CA12: variants seen among roughly 807,000 people sequenced by gnomAD.
CA12 encodes carbonic anhydrase 12.
In CA12, 36 loss-of-function variants were observed where a neutral mutation model predicts 46.8. That is an observed-to-expected ratio of 0.77 (90% confidence interval 0.59 to 1.02). CA12 has a LOEUF of 1.02. CA12 is among the 50% of genes least tolerant of loss of function. The pLI is 0.00. For synonymous variants in CA12, 202 were observed against 187.0 expected (o/e 1.08, Z -0.65); for missense variants, 436 against 451.4 (o/e 0.97, Z 0.31).
intron 2 of CA12, among the ~76,000 whole-genome samples, chr15:63,356,475 T>C (rs957188449): frequency 6.6e-6 from 1 of 152,042 alleles, no homozygotes; most frequent in Non-Finnish European, 1.5e-5. Flanking sequence ...ATCAAATAGT[T>C]TGGCGGTGCC....
At chr15:63,351,018 T>C (rs2039222498) in intron 2 of CA12, among the ~76,000 whole-genome samples, 1 of 152,238 alleles carries the variant, frequency 6.6e-6, no homozygotes, top group Non-Finnish European at 1.5e-5. Flanking sequence ...GATTACCGAA[T>C]CCAATTAGAA....
At chr15:63,365,459 C>G (rs1431972996) in intron 2 of CA12, among the ~76,000 whole-genome samples, 1 of 152,200 alleles carries the variant, frequency 6.6e-6, no homozygotes, top group Non-Finnish European at 1.5e-5. Context: ...AGCCACCTGA[C>G]AGTTTTGAGC....
chr15:63,367,354 C>A (rs2039449379), intron 2 of CA12, among the ~76,000 whole-genome samples: 1 of 152,214 alleles, frequency 6.6e-6, no homozygotes, highest in South Asian at 2.1e-4. Flanking sequence ...ATACTTGCTT[C>A]AAAACTTTCT....
rs145223006 is a variant in CA12 at position 63,358,776 on chromosome 15, C to T, written c.107-12067G>A. Reference sequence around the variant, plus strand: ...ACCTGATTACTCTTGTCTCCTCGGCCGAGCATCTTCAAAGAACTGTGTGCA... The same window carrying T: ...ACCTGATTACTCTTGTCTCCTCGGCTGAGCATCTTCAAAGAACTGTGTGCA... On this transcript the variant is annotated intron_variant, in intron 2 of 10. Coordinates refer to ENST00000178638, the MANE Select transcript of CA12 (RefSeq NM_001218.5). 1.6e-3 allele frequency among the ~76,000 whole-genome samples: 242 copies of T among 152,246 alleles called. 1 individual carries two copies. Among genetic ancestry groups the T allele is most frequent in the African/African-American group, 5.1e-3 (210 of 41,522 alleles).
rs1215091650 is a variant in CA12 at position 63,341,715 on chromosome 15, C to T, written c.525+287G>A. 6.6e-6 allele frequency among the ~76,000 whole-genome samples: 1 copy of T among 152,208 alleles called. No homozygotes were observed. The highest frequency in any genetic ancestry group is 1.5e-5 in the Non-Finnish European group (1 of 68,038). On this transcript the variant is annotated intron_variant, in intron 5 of 10. Coordinates refer to ENST00000178638, the MANE Select transcript of CA12 (RefSeq NM_001218.5). The surrounding 1 kb of genome is among the most constrained non-coding windows in gnomAD (Gnocchi z 5.2). ...TGATGATCCCTTTCCAGCACAGGTC[C>T]TCCCCAACTGGGCAATTCCATGCCT... is the stretch of plus-strand genomic sequence containing the variant.
At chr15:63,362,400 A>C (rs1244699258) in intron 2 of CA12, among the ~76,000 whole-genome samples, 1 of 152,220 alleles carries the variant, frequency 6.6e-6, no homozygotes, top group Non-Finnish European at 1.5e-5. Flanking sequence ...ATGACAGTTC[A>C]CATCTTCCAC....
At chr15:63,344,528 G>A (rs988939163) in intron 4 of CA12, among the ~76,000 whole-genome samples, 28 of 152,198 alleles carry the variant, frequency 1.8e-4, no homozygotes, top group Admixed American at 1.0e-3. Flanking sequence ...GGGAAGGGCC[G>A]CTCTGAAATA....
At chr15:63,361,934 G>C (rs551639084) in intron 2 of CA12, among the ~76,000 whole-genome samples, 3 of 152,336 alleles carry the variant, frequency 2.0e-5, no homozygotes, top group African/African-American at 7.2e-5. Flanking sequence ...TCAAGAACTA[G>C]TGAGGCTTCT....
At chr15:63,364,547 C>T (rs768794901) in intron 2 of CA12, among the ~76,000 whole-genome samples, 4 of 152,178 alleles carry the variant, frequency 2.6e-5, no homozygotes, top group Non-Finnish European at 5.9e-5. Context: ...AACACAAATA[C>T]GCAGATGAAC....
At chr15:63,347,794 C>A (rs1190752500) in intron 2 of CA12, among the ~76,000 whole-genome samples, 1 of 152,120 alleles carries the variant, frequency 6.6e-6, no homozygotes, top group African/African-American at 2.4e-5. Context: ...CCAGGGTGTC[C>A]TGTGGGCTCT....
intron 2 of CA12, among the ~76,000 whole-genome samples, chr15:63,370,606 C>G (rs2039491064): frequency 6.6e-6 from 1 of 151,874 alleles, no homozygotes; most frequent in Non-Finnish European, 1.5e-5. Flanking sequence ...AACCCCGTCT[C>G]TATTAAAAAT....
chr15:63,346,304 G>A (rs542311568), intron 3 of CA12, among the ~76,000 whole-genome samples: 42 of 152,268 alleles, frequency 2.8e-4, no homozygotes, highest in African/African-American at 5.5e-4. Context: ...CCTGAGAGAT[G>A]TGCTTCTTCT....
intron 2 of CA12, among the ~76,000 whole-genome samples, chr15:63,353,349 A>C (rs1291403545): frequency 6.6e-6 from 1 of 152,158 alleles, no homozygotes; most frequent in Non-Finnish European, 1.5e-5. Flanking sequence ...GAGAGGGCCC[A>C]GCAAGCTCAG....
chr15:63,354,476 A>T (rs2039270788), intron 2 of CA12, among the ~76,000 whole-genome samples: 1 of 152,134 alleles, frequency 6.6e-6, no homozygotes, highest in South Asian at 2.1e-4. Context: ...AATCCCCCCA[A>T]ATCTCCCCTT....
At position 63,378,108 on chromosome 15, in the gene CA12, C is replaced by G. The variant is rs147319424; in HGVS notation, c.86-2430G>C. On this transcript the variant is annotated intron_variant, in intron 1 of 10. Transcript: ENST00000178638. The surrounding 1 kb of genome is among the most constrained non-coding windows in gnomAD (Gnocchi z 4.8). ...CCCAGTAAAAATTTCCCTAAGCTGG[C>G]TGGGTACGGTGGCTCACCCCTGTAA... 4.6e-5 allele frequency among the ~76,000 whole-genome samples: 7 copies of G among 152,316 alleles called. No homozygotes were observed. The East Asian group carries it at 1.3e-3, about 29-fold the overall frequency.
rs1355557996 is a variant in CA12, at chr15:63,378,107, G to T, written c.86-2429C>A. Among the ~76,000 whole-genome samples the T allele has an allele frequency of 1.3e-5, 2 of 152,196 alleles. No individual in the cohort carries two copies. Among genetic ancestry groups the T allele is most frequent in the Non-Finnish European group, 2.9e-5 (2 of 68,046 alleles). On this transcript the variant is annotated intron_variant, in intron 1 of 10. Coordinates refer to ENST00000178638, the MANE Select transcript of CA12 (RefSeq NM_001218.5). This position sits in a 1 kb window ranked among gnomAD's most constrained non-coding sequence, Gnocchi z 4.8. ...TCCCAGTAAAAATTTCCCTAAGCTG[G>T]CTGGGTACGGTGGCTCACCCCTGTA...
chr15:63,347,633 G>A (rs1470835012), intron 2 of CA12, among the ~76,000 whole-genome samples: 6 of 152,224 alleles, frequency 3.9e-5, no homozygotes, highest in Non-Finnish European at 4.4e-5. Flanking sequence ...GCTATGTGCA[G>A]ATGAACTTTC....
chr15:63,367,543 C>G (rs192472984), intron 2 of CA12, among the ~76,000 whole-genome samples: 1 of 152,180 alleles, frequency 6.6e-6, no homozygotes, highest in Non-Finnish European at 1.5e-5. Flanking sequence ...TTTGCAGAGC[C>G]CTGTGTCCTA....
At chr15:63,365,600 C>T (rs906370473) in intron 2 of CA12, among the ~76,000 whole-genome samples, 6 of 152,356 alleles carry the variant, frequency 3.9e-5, no homozygotes, top group Admixed American at 6.5e-5. Flanking sequence ...CCAGCAGAGA[C>T]GGGCTTTCAG....
Sources: gnomAD v4.1 joint callset for allele counts (sites outside exome capture counted in the v4.1 genomes callset) on GRCh38, gnomAD v4.1.1 for gene constraint, Gnocchi (gnomAD v3.1) non-coding constraint, MANE v1.5 for transcripts, NCBI Gene and HGNC (gene_info 2026-07-23, HGNC 2026-07-21) for gene names.